FERRY3: variants seen among roughly 807,000 people sequenced by gnomAD.
FERRY3 encodes FERRY endosomal RAB5 effector complex subunit 3.
the FERRY3 span, among the ~76,000 whole-genome samples, chr12:4,496,508 A>G: frequency 6.6e-6 from 1 of 152,230 alleles, no homozygotes; most frequent in Non-Finnish European, 1.5e-5. Flanking sequence ...TGAAGCTGGA[A>G]GGATCAGGTG....
the FERRY3 span, among the ~76,000 whole-genome samples, chr12:4,500,901 T>C: frequency 6.6e-6 from 1 of 152,248 alleles, no homozygotes; most frequent in Non-Finnish European, 1.5e-5. Context: ...TCCGCCCGCC[T>C]TGGCCTCCCA....
At chr12:4,490,593 A>C in the FERRY3 span, 1 of 1,609,756 alleles carries the variant, frequency 6.2e-7, no homozygotes, top group Non-Finnish European at 8.5e-7. Context: ...ATGAAACCTA[A>C]AATAGAAAAA....
the FERRY3 span, chr12:4,508,839 G>C: frequency 6.6e-6 from 1 of 152,112 alleles, no homozygotes; most frequent in Non-Finnish European, 1.5e-5. Context: ...TGAAATATAA[G>C]AAAAACACAA....
the FERRY3 span, among the ~76,000 whole-genome samples, chr12:4,499,167 A>G: frequency 6.6e-6 from 1 of 152,186 alleles, no homozygotes; most frequent in East Asian, 1.9e-4. Context: ...GACAATCACA[A>G]TCTCTGCTTC....
At chr12:4,531,302 CT>C in the FERRY3 span, among the ~76,000 whole-genome samples, 1 of 152,214 alleles carries the variant, frequency 6.6e-6, no homozygotes, top group Non-Finnish European at 1.5e-5. Context: ...TGGGACTTAA[CT>C]TCTGTTTAAA....
chr12:4,536,090 A>G, the FERRY3 span: 4 of 1,610,174 alleles, frequency 2.5e-6, no homozygotes, highest in East Asian at 6.7e-5. Flanking sequence ...TCTCTTGAAC[A>G]GGAAATTTGA....
chr12:4,522,860 C>T, the FERRY3 span, among the ~76,000 whole-genome samples: 1 of 152,188 alleles, frequency 6.6e-6, no homozygotes, highest in Non-Finnish European at 1.5e-5. Context: ...AACACAACAA[C>T]TCCAATGAGT....
the FERRY3 span, chr12:4,517,972 T>C: frequency 7.7e-7 from 1 of 1,291,296 alleles, no homozygotes; most frequent in Non-Finnish European, 1.1e-6. Context: ...AAAATTTTTT[T>C]TCATTTTCCC....
chr12:4,513,830 A>C, the FERRY3 span, among the ~76,000 whole-genome samples: 2 of 152,140 alleles, frequency 1.3e-5, no homozygotes, highest in Non-Finnish European at 2.9e-5. Context: ...GGACATAGGC[A>C]TGGGCAAGGA....
chr12:4,513,297 G>A, the FERRY3 span, among the ~76,000 whole-genome samples: 33 of 151,340 alleles, frequency 2.2e-4, no homozygotes, highest in Middle Eastern at 6.8e-3. Flanking sequence ...AATCAATATC[G>A]TGAAAATGGC....
chr12:4,519,537 T>C, the FERRY3 span, among the ~76,000 whole-genome samples: 66 of 152,328 alleles, frequency 4.3e-4, no homozygotes, highest in Non-Finnish European at 8.5e-4. This position sits in a 1 kb window ranked among gnomAD's most constrained non-coding sequence, Gnocchi z 4.3. Flanking sequence ...GTACGAGTCA[T>C]CCATTTCCCT....
the FERRY3 span, among the ~76,000 whole-genome samples, chr12:4,537,861 A>G: frequency 6.6e-6 from 1 of 152,200 alleles, no homozygotes; most frequent in Non-Finnish European, 1.5e-5. Context: ...ACACACGCAT[A>G]TGTTCGCTAA....
At chr12:4,531,483 A>G in the FERRY3 span, among the ~76,000 whole-genome samples, 2 of 152,220 alleles carry the variant, frequency 1.3e-5, no homozygotes, top group Non-Finnish European at 2.9e-5. Context: ...AGCTTTATGA[A>G]TAGGTAGAAG....
At chr12:4,538,007 T>A in the FERRY3 span, among the ~76,000 whole-genome samples, 8 of 151,382 alleles carry the variant, frequency 5.3e-5, no homozygotes, top group African/African-American at 1.5e-4. Flanking sequence ...TAAAAAAGAA[T>A]CAACCACTGA....
the FERRY3 span, among the ~76,000 whole-genome samples, chr12:4,510,567 C>T: frequency 1.3e-5 from 2 of 149,962 alleles, no homozygotes; most frequent in African/African-American, 5.0e-5. Flanking sequence ...CCCTACAAGC[C>T]AGAAGAGAGT....
the FERRY3 span, among the ~76,000 whole-genome samples, chr12:4,494,050 G>A: frequency 1.3e-5 from 2 of 152,046 alleles, no homozygotes; most frequent in Admixed American, 6.6e-5. Context: ...CTGAGATCAC[G>A]CCACTGTACT....
At chr12:4,527,640 C>G in the FERRY3 span, among the ~76,000 whole-genome samples, 1 of 152,116 alleles carries the variant, frequency 6.6e-6, no homozygotes, top group Non-Finnish European at 1.5e-5. Context: ...CCTCCACAGA[C>G]ACTAGTGAAT....
chr12:4,516,642 T>C, the FERRY3 span, among the ~76,000 whole-genome samples: 1 of 152,160 alleles, frequency 6.6e-6, no homozygotes, highest in South Asian at 2.1e-4. Flanking sequence ...CTCTCACTTA[T>C]AAATGGGAGC....
chr12:4,491,364 A>G, the FERRY3 span: 1 of 707,158 alleles, frequency 1.4e-6, no homozygotes, highest in Non-Finnish European at 2.3e-6. Flanking sequence ...GCTAATCCCA[A>G]CTGGATTTCC....
Sources: gnomAD v4.1 joint callset for allele counts (sites outside exome capture counted in the v4.1 genomes callset) on GRCh38, gnomAD v4.1.1 for gene constraint, Gnocchi (gnomAD v3.1) non-coding constraint, MANE v1.5 for transcripts, NCBI Gene and HGNC (gene_info 2026-07-23, HGNC 2026-07-21) for gene names.